The following ABCA7 variants were observed in gnomAD, a reference collection of about 807,000 sequenced individuals.
ABCA7 encodes phospholipid-transporting ATPase ABCA7.
ABCA7 carries 261 observed loss-of-function variants against 227.6 expected under a neutral mutation model. The ratio of observed to expected loss-of-function variants is 1.15; its 90% confidence interval spans 1.04 to 1.27. The LOEUF is 1.27. Ranked by LOEUF, ABCA7 falls within the 50% of genes most tolerant of loss-of-function variation. The probability of loss-of-function intolerance (pLI) is 0.00; values close to 1 mark genes in which losing one functional copy is unlikely to be tolerated. For missense variants in ABCA7, 3,331 were observed against 2,924.5 expected (o/e 1.14, Z -3.21); for synonymous variants, 1,488 against 1,279.7 (o/e 1.16, Z -3.47).
chr19:1,052,849 G>A (rs2041895559), intron 23 of ABCA7, among the ~76,000 whole-genome samples: 1 of 151,868 alleles, frequency 6.6e-6, no homozygotes, highest in Non-Finnish European at 1.5e-5. Context: ...TGAGCCCAGA[G>A]ACAAACCTAC....
rs1331195745 is a variant in ABCA7 at position 1,049,458 on chromosome 19, TCCCCGTGAGCCCCCCCACTCCCA to T, written c.2552+40_2552+62del. The T allele has an allele frequency of 1.4e-4, 176 of 1,278,500 alleles. 18 individuals are homozygous for T. The highest frequency in any genetic ancestry group is 1.0e-3 in the East Asian group (33 of 31,614). The allele number at this position is 1,278,500 out of a possible 1,614,324, so 79.2% of individuals were successfully genotyped here. A position where few individuals can be genotyped will look rare whatever the true frequency, so the allele number is the denominator to read the frequency against. ...ACCCTGTGAGCCCCCAACCACTCCCTCCCCGTGAGCCCCCCCACTCCCACCCCGTGAGCCCCCCCACCACTCCC... is the reference window on the plus strand; with the variant it reads ...ACCCTGTGAGCCCCCAACCACTCCCTCCCCGTGAGCCCCCCCACCACTCCC... On this transcript the variant is annotated intron_variant, in intron 18 of 46. Coordinates refer to ENST00000263094, the MANE Select transcript of ABCA7 (RefSeq NM_019112.4).
chr19:1,042,036 C>G, intron 4 of ABCA7, 28 bp from the exon 5 acceptor site: 2 of 1,583,560 alleles, frequency 1.3e-6, no homozygotes, highest in Non-Finnish European at 1.7e-6. Context: ...GGCCGGAACC[C>G]CGCCTCCTGC....
At chr19:1,046,744 G>T in intron 13 of ABCA7, 58 bp from the exon 14 acceptor site, 1 of 1,483,610 alleles carries the variant, frequency 6.7e-7, no homozygotes, top group Non-Finnish European at 9.1e-7. Flanking sequence ...CCAGATGGTG[G>T]GCGGAGGGGG....
rs1382830444 is a variant in ABCA7 at position 1,063,579 on chromosome 19, A to G, written c.5748A>G (p.Ser1916=). The G allele has an allele frequency of 3.1e-6, 5 of 1,611,024 alleles. No individual in the cohort carries two copies. Among genetic ancestry groups the G allele is most frequent in the East Asian group, 2.2e-5 (1 of 44,860 alleles). Residue 1916 remains serine, a synonymous_variant, in exon 43 of 47, where the codon TCA becomes TCG. Transcript: ENST00000263094. The part of the protein sequence containing the change: ...AGSGLARLGL[S]WYADRPAGTY... ...CGGGCCTGGCGCGTCTGGGACTCTCATGGTACGCAGACCGGCCTGCAGGCA... is the reference window on the plus strand; with the variant it reads ...CGGGCCTGGCGCGTCTGGGACTCTCGTGGTACGCAGACCGGCCTGCAGGCA...
intron 43 of ABCA7, 32 bp from the exon 44 acceptor site, chr19:1,063,728 G>A (rs987480708): frequency 3.2e-6 from 5 of 1,551,006 alleles, no homozygotes; most frequent in Non-Finnish European, 4.4e-6. Context: ...CGGAGGCGGG[G>A]CCTTGCTTAT....
In ABCA7 at chr19:1,052,265, G is replaced by T. The variant is rs2041715679; in HGVS notation, c.3199G>T (p.Gly1067Cys). The T allele has an allele frequency of 2.6e-6, 4 of 1,544,318 alleles. No homozygotes were observed. The highest frequency in any genetic ancestry group is 3.5e-6 in the Non-Finnish European group (4 of 1,146,042). ...SVDTRQEKKNGSQGSRVGTPQ... is the reference protein window; with the variant it reads ...SVDTRQEKKNCSQGSRVGTPQ... ...GGACACCAGGCAGGAAAAGAAGAATGGCAGCCAGGGCAGCAGAGTCGGTGA... is the reference window on the plus strand; with the variant it reads ...GGACACCAGGCAGGAAAAGAAGAATTGCAGCCAGGGCAGCAGAGTCGGTGA... Residue 1067 changes from glycine to cysteine, a missense_variant, in exon 23 of 47, where the codon GGC becomes TGC. Transcript: ENST00000263094.
chr19:1,054,550 C>T lies in ABCA7; in HGVS notation c.3727-20C>T. On this transcript the variant is annotated intron_variant, in intron 27 of 46. Transcript: ENST00000263094. The surrounding 1 kb of genome is among the most constrained non-coding windows in gnomAD (Gnocchi z 4.8). ...CCTGGAGGGTGGATGGAAGCAGCAG[C>T]TGATGGGCTGGTCCCCCAGATCGTG... 6.2e-7 allele frequency: 1 copy of T among 1,604,540 alleles called. No homozygotes were observed. The highest frequency in any genetic ancestry group is 8.5e-7 in the Non-Finnish European group (1 of 1,175,102).
chr19:1,064,335 C>A, intron 45 of ABCA7, 82 bp downstream of exon 45: 1 of 1,394,108 alleles, frequency 7.2e-7, no homozygotes, highest in Non-Finnish European at 9.6e-7. Context: ...GACGTAGAGC[C>A]GGGTGAGGAA....
intron 23 of ABCA7, among the ~76,000 whole-genome samples, chr19:1,052,743 G>A (rs1416706110): frequency 6.8e-6 from 1 of 147,492 alleles, no homozygotes; most frequent in Non-Finnish European, 1.5e-5. Context: ...GAGGAGGAGA[G>A]CACTTGAGAA....
intron 44 of ABCA7, 122 bp downstream of exon 44, chr19:1,063,985 C>A (rs1355747271): frequency 2.2e-6 from 3 of 1,370,532 alleles, no homozygotes; most frequent in Non-Finnish European, 2.9e-6. Flanking sequence ...GGGCGCCAGG[C>A]CCCGGGGTGT....
chr19:1,048,820 A>C (rs1415459525), intron 16 of ABCA7, 75 bp from the exon 17 acceptor site: 14 of 856,122 alleles, frequency 1.6e-5, no homozygotes, highest in African/African-American at 7.3e-5. Context: ...AAAAAAAAAA[A>C]AAACAAAACC....
chr19:1,058,740 C>T lies in ABCA7; in HGVS notation c.5272C>T (p.Leu1758=), dbSNP rs1041491238. 5 of 1,613,808 alleles carry T rather than the reference C, an allele frequency of 3.1e-6. No homozygotes were observed. In the African/African-American group the frequency reaches 4.0e-5, roughly 13 times the overall value. ...ACTGCTGCAGCACCGAAGCCAACTC[C>T]TGCCACAGTTAGTGAGGTCTATGGA... is the stretch of plus-strand genomic sequence containing the variant. ...TLLLQHRSQL[L]PQPRVRSLPL... The change falls in exon 38 of 47, where the codon CTG becomes TTG. Residue 1758 remains leucine, a synonymous_variant. Transcript: ENST00000263094.
Position 1,041,506 on chromosome 19 carries a change from C to T in ABCA7, c.67-4C>T, listed in dbSNP as rs1417512465. 3.1e-6 allele frequency: 5 copies of T among 1,613,844 alleles called. No individual in the cohort carries two copies. Among genetic ancestry groups the T allele is most frequent in the Non-Finnish European group, 4.2e-6 (5 of 1,180,016 alleles). On this transcript the variant is annotated splice_region_variant and splice_polypyrimidine_tract_variant and intron_variant, in intron 2 of 46. Transcript: ENST00000263094. Reference sequence around the variant, plus strand: ...CCCACCGTCTCCCACCTATTCTCCCCCAGGTCCAGCTCCTGGTCGAATTGC... The same window carrying T: ...CCCACCGTCTCCCACCTATTCTCCCTCAGGTCCAGCTCCTGGTCGAATTGC...
intron 11 of ABCA7, 66 bp from the exon 12 acceptor site, chr19:1,044,936 G>A: frequency 6.4e-7 from 1 of 1,570,020 alleles, no homozygotes; most frequent in Non-Finnish European, 8.7e-7. Context: ...GGTCCAGGGG[G>A]AGGAGCGGAG....
At chr19:1,044,867 G>A (rs1209342071) in intron 11 of ABCA7, 123 bp downstream of exon 11, 1 of 1,454,306 alleles carries the variant, frequency 6.9e-7, no homozygotes, top group African/African-American at 1.4e-5. Context: ...GGGATTTGTA[G>A]AGATCTCAGG....
rs775017046 is a variant in ABCA7, at chr19:1,063,771, C to A, written c.5859C>A (p.Thr1953=). ...TCCGTGCTCCCCAGGACGAGCCGAC[C>A]ACAGGCATGGACCCCAGCGCGCGGC... ...DPAVVFLDEP[T]TGMDPSARRF... Residue 1953 remains threonine (T), a synonymous_variant, in exon 44 of 47, where the codon ACC becomes ACA. Coordinates refer to ENST00000263094, the MANE Select transcript of ABCA7 (RefSeq NM_019112.4). 5.2e-6 allele frequency: 8 copies of A among 1,547,612 alleles called. No individual in the cohort carries two copies. In the South Asian group the frequency reaches 9.5e-5, roughly 18 times the overall value.
intron 18 of ABCA7, 95 bp from the exon 19 acceptor site, chr19:1,050,826 T>TA (rs1395578104): frequency 3.9e-6 from 3 of 778,602 alleles, no homozygotes; most frequent in Admixed American, 3.7e-5. Flanking sequence ...AATAAATAAT[T>TA]AAAAATTTTT....
rs2042989327 is a variant in ABCA7, at chr19:1,065,515, G to T, written c.*90G>T. On this transcript the variant is annotated 3_prime_UTR_variant, in exon 47 of 47. Transcript: ENST00000263094. ...GGAGCCCTGGACTCAGGCTGGCAGA[G>T]GGGCTGGTGCCCTGGAGAAAATAAA... is the stretch of plus-strand genomic sequence containing the variant. The T allele has an allele frequency of 6.9e-7, 1 of 1,458,524 alleles. No homozygotes were observed. The highest frequency in any genetic ancestry group is 1.4e-5 in the African/African-American group (1 of 71,192). 90.3% of individuals were successfully genotyped at this position (1,458,524 alleles called of 1,614,324 possible). A position where few individuals can be genotyped will look rare whatever the true frequency, so the allele number is the denominator to read the frequency against.
chr19:1,062,209 G>A lies in ABCA7; in HGVS notation c.5608G>A (p.Gly1870Arg), dbSNP rs768996042. The change falls in exon 42 of 47, where the codon GGA (glycine) becomes AGA (arginine). Residue 1870 changes from glycine (G) to arginine (R), a missense_variant. Gly to Arg is a moderately radical substitution (Grantham distance 125, BLOSUM62 -2). Transcript: ENST00000263094. ...REPSAAHLSMGYCPQSDAIFE... is the reference protein window; with the variant it reads ...REPSAAHLSMRYCPQSDAIFE... ...ACCCAGTGCTGCGCACCTCAGCATG[G>A]GATACTGCCCTCAATCCGATGCCAT... 7 of 1,612,322 alleles carry A rather than the reference G, an allele frequency of 4.3e-6. No homozygotes were observed. Among genetic ancestry groups the A allele is most frequent in the Non-Finnish European group, 5.1e-6 (6 of 1,179,818 alleles).
Sources: allele counts gnomAD v4.1 joint callset (sites outside exome capture counted in the v4.1 genomes callset), GRCh38; gene constraint gnomAD v4.1.1; non-coding constraint Gnocchi (gnomAD v3.1); transcripts MANE v1.5; gene names NCBI Gene and HGNC (gene_info 2026-07-23, HGNC 2026-07-21).